NRK: variants seen among roughly 807,000 people sequenced by gnomAD.
NRK encodes nik-related protein kinase.
NRK carries 67 observed loss-of-function variants against 125.2 expected under a neutral mutation model. That is an observed-to-expected ratio of 0.54 (90% CI 0.44 to 0.66). The LOEUF (loss-of-function observed/expected upper bound fraction) is 0.66. Among genes scored for constraint, NRK ranks in the 30% least tolerant of loss-of-function variants. The pLI, the probability that NRK is intolerant of heterozygous loss-of-function variation, is 0.00. For synonymous variants in NRK, 458 were observed against 429.0 expected, an observed-to-expected ratio of 1.07 and a Z score of -0.84; for missense variants, 1,224 against 1,192.9, an observed-to-expected ratio of 1.03 and a Z score of -0.38.
At chrX:105,948,540 C>T in intron 26 of NRK, 1 of 416,063 alleles carries the variant, frequency 2.4e-6, no homozygotes. Flanking sequence ...GGATTTGCAG[C>T]AGTCCAGTTT....
intron 26 of NRK, among the ~76,000 whole-genome samples, chrX:105,947,092 T>G (rs2147795671): frequency 8.9e-6 from 1 of 111,849 alleles, no homozygotes; most frequent in South Asian, 3.7e-4. Context: ...TTAATTATAG[T>G]TAGAATTTCT....
intron 4 of NRK, among the ~76,000 whole-genome samples, chrX:105,882,090 G>C (rs1274829537): frequency 9.0e-6 from 1 of 110,798 alleles, no homozygotes; most frequent in African/African-American, 3.3e-5. Flanking sequence ...CAACAAAAAA[G>C]GAGGTGATGC....
rs752107953 is a variant in NRK, at chrX:105,924,502, T to C, written c.2976-193T>C. Reference sequence around the variant, plus strand: ...AAATTGGTGGTGGCTATGGCTTTAATCATTACATAAGACTGAGAAGACATA... The same window carrying C: ...AAATTGGTGGTGGCTATGGCTTTAACCATTACATAAGACTGAGAAGACATA... On this transcript the variant is annotated intron_variant, in intron 18 of 28. Transcript: ENST00000243300. Among the ~76,000 whole-genome samples, 18 of 112,021 alleles carry C rather than the reference T, an allele frequency of 1.6e-4. No individual in the cohort carries two copies. In the East Asian group the frequency reaches 5.1e-3, roughly 32 times the overall value.
intron 4 of NRK, among the ~76,000 whole-genome samples, chrX:105,886,751 A>G (rs1370370787): frequency 9.2e-6 from 1 of 108,448 alleles, no homozygotes; most frequent in Non-Finnish European, 1.9e-5. Context: ...ATAAAAATAA[A>G]TTATCGAAAA....
chrX:105,846,828 C>T (rs1164579987), intron 2 of NRK, among the ~76,000 whole-genome samples: 2 of 112,003 alleles, frequency 1.8e-5, no homozygotes, highest in Non-Finnish European at 3.8e-5. Context: ...TAGATTCTAG[C>T]CAATTACAAT....
chrX:105,841,222 T>A (rs1394846371), intron 2 of NRK, among the ~76,000 whole-genome samples: 1 of 111,447 alleles, frequency 9.0e-6, no homozygotes, highest in Non-Finnish European at 1.9e-5. Context: ...GAAGCTCTTA[T>A]AATTTTATGA....
intron 8 of NRK, among the ~76,000 whole-genome samples, chrX:105,899,357 A>G (rs774584862): frequency 2.8e-4 from 31 of 112,243 alleles, no homozygotes; most frequent in Non-Finnish European, 4.9e-4. Flanking sequence ...CACTCTCCAC[A>G]TAAGTCCAAA....
At chrX:105,822,500 C>G (rs1032723009), upstream of NRK, 14 of 293,817 alleles carry the variant, frequency 4.8e-5, no homozygotes, top group Non-Finnish European at 6.6e-5. Flanking sequence ...CTTGCACCGC[C>G]CCCCTCCCCA....
intron 2 of NRK, among the ~76,000 whole-genome samples, chrX:105,834,442 G>GGTGT (rs202172346): frequency 2.1e-3 from 224 of 107,848 alleles, no homozygotes; most frequent in Non-Finnish European, 3.5e-3. Context: ...AATGTCTGGA[G>GGTGT]GTGTGTGCGT....
intron 26 of NRK, among the ~76,000 whole-genome samples, chrX:105,948,229 T>C (rs2040843570): frequency 9.0e-6 from 1 of 111,557 alleles, no homozygotes; most frequent in Non-Finnish European, 1.9e-5. Flanking sequence ...AGGAAAGTTA[T>C]TTCCTTTTGA....
intron 19 of NRK, among the ~76,000 whole-genome samples, chrX:105,926,947 T>C (rs1178114330): frequency 9.0e-6 from 1 of 111,558 alleles, no homozygotes; most frequent in Non-Finnish European, 1.9e-5. Context: ...TTCCTCAGGA[T>C]TGCTTTGGCT....
intron 17 of NRK, 31 bp from the exon 18 acceptor site, chrX:105,923,087 G>A (rs1175515634): frequency 3.5e-6 from 4 of 1,147,907 alleles, no homozygotes; most frequent in Non-Finnish European, 4.7e-6. Flanking sequence ...AAAGCTACTA[G>A]AGGCTACATT....
chrX:105,860,865 C>T (rs1209284666), intron 2 of NRK, among the ~76,000 whole-genome samples: 1 of 111,151 alleles, frequency 9.0e-6, no homozygotes, highest in Non-Finnish European at 1.9e-5. Context: ...CTTATCCATT[C>T]ATTCATCAGT....
intron 15 of NRK, among the ~76,000 whole-genome samples, chrX:105,916,058 A>G (rs1418759378): frequency 9.0e-6 from 1 of 110,987 alleles, no homozygotes; most frequent in South Asian, 3.7e-4. Context: ...AAAAGAAACA[A>G]TAATAACAAA....
chrX:105,907,129 A>G (rs1250409922), intron 11 of NRK: 1 of 111,162 alleles, frequency 9.0e-6, no homozygotes, highest in Non-Finnish European at 1.9e-5. Flanking sequence ...ACAAATAAAC[A>G]TAAACTTCTG....
At chrX:105,848,254 C>A (rs1204032770) in intron 2 of NRK, among the ~76,000 whole-genome samples, 5 of 111,124 alleles carry the variant, frequency 4.5e-5, no homozygotes, top group African/African-American at 1.6e-4. Context: ...TGTAGAGCAT[C>A]CCTTTGCTAT....
In NRK at chrX:105,955,704, G is replaced by C. The variant is rs759027085; in HGVS notation, c.*104G>C. The C allele has an allele frequency of 4.0e-5, 18 of 453,384 alleles. No individual in the cohort carries two copies. The highest frequency in any genetic ancestry group is 7.0e-5 in the Non-Finnish European group (18 of 257,239). 37.4% of individuals were successfully genotyped at this position (453,384 alleles called of 1,213,427 possible). On this transcript the variant is annotated 3_prime_UTR_variant, in exon 29 of 29. Transcript: ENST00000243300. ...AGTATTCAGTTTTATTTTTAGTAAA[G>C]ATTAAATCCAAAACTTTACTTTTAA...
chrX:105,877,210 G>T (rs1385067596), intron 2 of NRK, among the ~76,000 whole-genome samples: 1 of 111,009 alleles, frequency 9.0e-6, no homozygotes, highest in Non-Finnish European at 1.9e-5. Context: ...CCAAGTTGAG[G>T]GATATTCTAC....
chrX:105,854,999 A>G (rs1159454102), intron 2 of NRK, among the ~76,000 whole-genome samples: 1 of 112,116 alleles, frequency 8.9e-6, no homozygotes, highest in African/African-American at 3.2e-5. Context: ...ATCCTCTTGC[A>G]GGCAAAGGAC....
Sources: gnomAD v4.1 joint callset for allele counts (sites outside exome capture counted in the v4.1 genomes callset) on GRCh38, gnomAD v4.1.1 for gene constraint, MANE v1.5 for transcripts, NCBI Gene and HGNC (gene_info 2026-07-23, HGNC 2026-07-21) for gene names.